ZNF385D: variants seen among roughly 807,000 people sequenced by gnomAD.
ZNF385D encodes the protein zinc finger protein 659.
Under a neutral mutation model 35.8 loss-of-function variants are expected in ZNF385D, and 15 were observed. That is an observed-to-expected ratio of 0.42 (90% confidence interval 0.28 to 0.64). ZNF385D has a LOEUF of 0.64. Ranked by LOEUF, ZNF385D falls within the 30% of genes least tolerant of loss-of-function variation. ZNF385D has a pLI of 0.23. For missense variants in ZNF385D, 474 were observed against 494.6 expected (o/e 0.96, Z 0.39); for synonymous variants, 212 against 186.8 (o/e 1.13, Z -1.10).
At chr3:21,505,899 T>C (rs1706739337) in intron 4 of ZNF385D, among the ~76,000 whole-genome samples, 1 of 152,192 alleles carries the variant, frequency 6.6e-6, no homozygotes, top group Non-Finnish European at 1.5e-5. Flanking sequence ...TCTCATTGAA[T>C]ATGTATACTT....
intron 3 of ZNF385D, among the ~76,000 whole-genome samples, chr3:21,779,393 C>T (rs1412281789): frequency 6.6e-6 from 1 of 151,590 alleles, no homozygotes; most frequent in East Asian, 1.9e-4. Context: ...CTTTTGTCTG[C>T]TTTATAAAAA....
At chr3:21,664,548 C>A (rs756934412) in intron 2 of ZNF385D, among the ~76,000 whole-genome samples, 1 of 152,154 alleles carries the variant, frequency 6.6e-6, no homozygotes, top group African/African-American at 2.4e-5. Context: ...TAAATACCTG[C>A]TGAAATTCTA....
intron 3 of ZNF385D, among the ~76,000 whole-genome samples, chr3:22,093,026 G>A (rs755615109): frequency 9.9e-5 from 15 of 152,224 alleles, no homozygotes; most frequent in Admixed American, 2.6e-4. Context: ...GGAGCAGGAA[G>A]GTCATAGCTC....
At chr3:22,213,413 G>C (rs1697653882) in intron 2 of ZNF385D, among the ~76,000 whole-genome samples, 1 of 152,080 alleles carries the variant, frequency 6.6e-6, no homozygotes, top group Admixed American at 6.6e-5. Context: ...CTAAAGCAGA[G>C]TGATTGGATT....
At chr3:21,466,932 G>A (rs1023968529) in intron 4 of ZNF385D, among the ~76,000 whole-genome samples, 2 of 152,128 alleles carry the variant, frequency 1.3e-5, no homozygotes, top group Non-Finnish European at 2.9e-5. Flanking sequence ...AGGACTTTGA[G>A]CTGGAGAGAA....
intron 1 of ZNF385D, among the ~76,000 whole-genome samples, chr3:21,670,412 A>G (rs1336895235): frequency 6.6e-6 from 1 of 151,904 alleles, no homozygotes; most frequent in East Asian, 1.9e-4. Context: ...ATAATATTAG[A>G]TCCTAAGTAG....
At chr3:22,240,660 C>G (rs1281686529) in intron 2 of ZNF385D, among the ~76,000 whole-genome samples, 2 of 151,044 alleles carry the variant, frequency 1.3e-5, no homozygotes, top group Non-Finnish European at 2.9e-5. Flanking sequence ...CCCACAATTG[C>G]TGCCCTCTTG....
At chr3:22,355,491 G>T (rs1575184810) in intron 2 of ZNF385D, among the ~76,000 whole-genome samples, 1 of 151,898 alleles carries the variant, frequency 6.6e-6, no homozygotes, top group Non-Finnish European at 1.5e-5. Flanking sequence ...ATACAAAAAT[G>T]AAATGAAGTC....
intron 1 of ZNF385D, among the ~76,000 whole-genome samples, chr3:21,678,087 T>C (rs962615302): frequency 6.6e-6 from 1 of 152,010 alleles, no homozygotes; most frequent in African/African-American, 2.4e-5. Flanking sequence ...CAGTTTGCTA[T>C]CCCCGACACA....
chr3:21,591,031 C>CA (rs1158877083), intron 2 of ZNF385D, among the ~76,000 whole-genome samples: 11 of 147,856 alleles, frequency 7.4e-5, no homozygotes, highest in Non-Finnish European at 1.1e-4. Flanking sequence ...CTTGTCTCCC[C>CA]AAAAAAAAAA....
At chr3:22,116,400 G>A (rs190018522) in intron 3 of ZNF385D, among the ~76,000 whole-genome samples, 1 of 151,890 alleles carries the variant, frequency 6.6e-6, no homozygotes, top group Non-Finnish European at 1.5e-5. Flanking sequence ...GAACTACTCA[G>A]ATTATTTTGT....
chr3:21,771,333 A>G (rs1471422156), intron 3 of ZNF385D, among the ~76,000 whole-genome samples: 1 of 151,930 alleles, frequency 6.6e-6, no homozygotes, highest in Non-Finnish European at 1.5e-5. Context: ...AACAAAAACA[A>G]TAAGAAATAA....
Position 22,156,695 on chromosome 3 carries a change from CT to C in ZNF385D, c.325+12121del, listed in dbSNP as rs768398281. 6.6e-5 allele frequency among the ~76,000 whole-genome samples: 10 copies of C among 152,176 alleles called. 1 individual carries two copies. Among genetic ancestry groups the C allele is most frequent in the East Asian group, 3.9e-4 (2 of 5,152 alleles). ...TATGTAAACTGAGCCACAGCCATCT[CT>C]TTCCTCTTCCTCACCCTTTTTCCCT... On this transcript the variant is annotated intron_variant, in intron 3 of 5. Coordinates refer to the ZNF385D transcript ENST00000494108.
At chr3:22,173,882 C>T (rs1395072797) in intron 2 of ZNF385D, among the ~76,000 whole-genome samples, 3 of 152,094 alleles carry the variant, frequency 2.0e-5, no homozygotes, top group African/African-American at 4.8e-5. Flanking sequence ...ATATGGAACA[C>T]AGTTGTAAGT....
At chr3:22,145,010 A>ATGTGTGTGTGTGTGTG (rs36060381) in intron 3 of ZNF385D, among the ~76,000 whole-genome samples, 1 of 148,930 alleles carries the variant, frequency 6.7e-6, no homozygotes, top group Non-Finnish European at 1.5e-5. Flanking sequence ...GAAGATACAT[A>ATGTGTGTGTGTGTGTG]TGTGTGTGTG....
At chr3:21,717,960 G>T (rs1047395731) in intron 1 of ZNF385D, among the ~76,000 whole-genome samples, 6 of 152,126 alleles carry the variant, frequency 3.9e-5, no homozygotes, top group African/African-American at 1.4e-4. Context: ...CATCAGGAAG[G>T]CTTCTTAAAA....
At chr3:21,877,899 C>T (rs1198516660) in intron 3 of ZNF385D, 2 of 152,014 alleles carry the variant, frequency 1.3e-5, no homozygotes, top group Non-Finnish European at 2.9e-5. Context: ...TTCAATACAT[C>T]TGTTATCTCT....
chr3:21,861,229 T>TC (rs1457627719), intron 3 of ZNF385D, among the ~76,000 whole-genome samples: 1 of 152,082 alleles, frequency 6.6e-6, no homozygotes, highest in African/African-American at 2.4e-5. Flanking sequence ...TCTATTTTTT[T>TC]CGTGCCATAG....
rs574293658 is a variant in ZNF385D, at chr3:22,073,786, A to G, written c.325+95031T>C. Among the ~76,000 whole-genome samples the G allele has an allele frequency of 2.6e-5, 4 of 152,102 alleles. No homozygotes were observed. The East Asian group carries it at 7.7e-4, about 29-fold the overall frequency. On this transcript the variant is annotated intron_variant, in intron 3 of 5. Coordinates refer to the ZNF385D transcript ENST00000494108. Reference sequence around the variant, plus strand: ...TTTGGATGCTTTCTGAATAGGTAAAAGCATACTATTTTTAGAATTTTAAAA... The same window carrying G: ...TTTGGATGCTTTCTGAATAGGTAAAGGCATACTATTTTTAGAATTTTAAAA...
Sources: allele counts gnomAD v4.1 joint callset (sites outside exome capture counted in the v4.1 genomes callset), GRCh38; gene constraint gnomAD v4.1.1; transcripts MANE v1.5; gene names NCBI Gene and HGNC (gene_info 2026-07-23, HGNC 2026-07-21).